Variants in RAP1A observed in about 807,000 individuals in gnomAD.
RAP1A encodes ras-related protein Rap-1A.
In RAP1A, 6 loss-of-function variants were observed where a neutral mutation model predicts 26.4. The ratio of observed to expected loss-of-function variants is 0.23; its 90% CI spans 0.12 to 0.45. The LOEUF (loss-of-function observed/expected upper bound fraction) is 0.45, where lower values mean the gene tolerates loss of function less well. Ranked by LOEUF, RAP1A falls within the 20% of genes least tolerant of loss-of-function variation. The pLI, the probability that RAP1A is intolerant of heterozygous loss-of-function variation, is 0.99. For missense variants in RAP1A, 121 were observed against 217.2 expected (o/e 0.56, Z 2.78); for synonymous variants, 73 against 79.4 (o/e 0.92, Z 0.43).
At chr1:111,695,877 A>G (rs1429091719) in intron 3 of RAP1A, among the ~76,000 whole-genome samples, 1 of 152,250 alleles carries the variant, frequency 6.6e-6, no homozygotes, top group Non-Finnish European at 1.5e-5. Flanking sequence ...CAAAACCCAT[A>G]GAATGTACCA....
chr1:111,688,320 TTTC>T (rs370083741), intron 1 of RAP1A, among the ~76,000 whole-genome samples: 10,825 of 132,900 alleles, frequency 0.081, 556 homozygotes, highest in African/African-American at 0.15. Context: ...TTTTTCTTTC[TTTC>T]TTTTTTTTTT....
chr1:111,628,967 T>C (rs1659483652), intron 1 of RAP1A, among the ~76,000 whole-genome samples: 1 of 152,298 alleles, frequency 6.6e-6, no homozygotes, highest in Non-Finnish European at 1.5e-5. Flanking sequence ...TTTTATTTAG[T>C]TAGCATTTTG....
At chr1:111,706,349 A>T (rs1300510461) in intron 6 of RAP1A, among the ~76,000 whole-genome samples, 2 of 152,112 alleles carry the variant, frequency 1.3e-5, no homozygotes, top group African/African-American at 2.4e-5. Flanking sequence ...GTGAGTTTTG[A>T]ATGCCTGAAG....
intron 4 of RAP1A, among the ~76,000 whole-genome samples, chr1:111,699,046 A>G (rs1163560190): frequency 6.6e-6 from 1 of 151,554 alleles, no homozygotes; most frequent in Non-Finnish European, 1.5e-5. Flanking sequence ...ACTTTGTGCT[A>G]TCCAATATCG....
At chr1:111,688,370 A>C (rs1661560892) in intron 1 of RAP1A, among the ~76,000 whole-genome samples, 1 of 139,984 alleles carries the variant, frequency 7.1e-6, no homozygotes, top group South Asian at 2.2e-4. Context: ...CCCAGGCTGC[A>C]GTGCTGTGGT....
chr1:111,557,832 CA>C (rs1657564488), intron 1 of RAP1A, among the ~76,000 whole-genome samples: 1 of 152,078 alleles, frequency 6.6e-6, no homozygotes, highest in African/African-American at 2.4e-5. Context: ...TGAACAGTGA[CA>C]GCATAAAAAT....
chr1:111,712,759 A>T lies in RAP1A; in HGVS notation c.*358A>T, dbSNP rs1662423784. ...ATGATTTCATATTGATCTTTTTATC[A>T]TGATCCTCCCTATCAAGCACTAAAA... is the stretch of plus-strand genomic sequence containing the variant. On this transcript the variant is annotated 3_prime_UTR_variant, in exon 8 of 8. Coordinates refer to ENST00000369709, the MANE Select transcript of RAP1A (RefSeq NM_002884.4). 1 of 152,502 alleles carries T rather than the reference A, an allele frequency of 6.6e-6. No homozygotes were observed. The highest frequency in any genetic ancestry group is 1.5e-5 in the Non-Finnish European group (1 of 67,926). The allele number at this position is 152,502 out of a possible 1,614,324, so 9.4% of individuals were successfully genotyped here. A position where few individuals can be genotyped will look rare whatever the true frequency, so the allele number is the denominator to read the frequency against.
intron 1 of RAP1A, among the ~76,000 whole-genome samples, chr1:111,624,128 T>C (rs1242297131): frequency 1.3e-5 from 2 of 152,238 alleles, no homozygotes; most frequent in Admixed American, 1.3e-4. Context: ...TAACAATTAA[T>C]TGATTACATC....
intron 1 of RAP1A, among the ~76,000 whole-genome samples, chr1:111,609,192 A>C (rs1163257106): frequency 2.0e-5 from 3 of 152,188 alleles, no homozygotes; most frequent in Non-Finnish European, 4.4e-5. Context: ...TCAACGATGC[A>C]CATGCCCTGG....
At chr1:111,708,354 C>T (rs1662267081) in intron 6 of RAP1A, among the ~76,000 whole-genome samples, 1 of 152,154 alleles carries the variant, frequency 6.6e-6, no homozygotes, top group South Asian at 2.1e-4. Flanking sequence ...CTATTTTAGA[C>T]AAAAATGTAT....
chr1:111,660,549 A>G (rs78207490), intron 1 of RAP1A, among the ~76,000 whole-genome samples: 3 of 152,066 alleles, frequency 2.0e-5, no homozygotes, highest in Non-Finnish European at 4.4e-5. Context: ...TACTACCTGC[A>G]CTGCTACTCC....
chr1:111,675,514 C>T (rs1044698081), intron 1 of RAP1A, among the ~76,000 whole-genome samples: 1 of 152,048 alleles, frequency 6.6e-6, no homozygotes, highest in African/African-American at 2.4e-5. Context: ...CTCCTCTGTT[C>T]GTCCATCCTT....
In RAP1A at chr1:111,677,670, C is replaced by T. The variant is rs147358317; in HGVS notation, c.-27-13664C>T. 4.4e-3 allele frequency among the ~76,000 whole-genome samples: 665 copies of T among 152,270 alleles called. 5 individuals are homozygous for T. The highest frequency in any genetic ancestry group is 0.015 in the African/African-American group (616 of 41,554). On this transcript the variant is annotated intron_variant, in intron 1 of 7. Transcript: ENST00000369709. The stretch of plus-strand genomic sequence containing the variant: ...TGTGCCTCTCTGAAGGGCTGGTGTT[C>T]ACCTGACATGGTGACTGGCTTCTCT...
At chr1:111,683,346 C>T (rs566821755) in intron 1 of RAP1A, among the ~76,000 whole-genome samples, 1 of 149,944 alleles carries the variant, frequency 6.7e-6, no homozygotes, top group Non-Finnish European at 1.5e-5. Context: ...GATAGAGACA[C>T]AAAAAAAACC....
intron 1 of RAP1A, among the ~76,000 whole-genome samples, chr1:111,656,567 AC>A (rs980152727): frequency 6.6e-6 from 1 of 152,076 alleles, no homozygotes; most frequent in African/African-American, 2.4e-5. Flanking sequence ...GGGTTATTAC[AC>A]TGAAATTGGT....
chr1:111,595,815 A>C (rs1298346918), intron 1 of RAP1A, among the ~76,000 whole-genome samples: 1 of 152,062 alleles, frequency 6.6e-6, no homozygotes. Context: ...GTTTTTTTTC[A>C]AGGGCAAGTC....
At chr1:111,668,620 A>AT (rs1259042864) in intron 1 of RAP1A, among the ~76,000 whole-genome samples, 2 of 152,224 alleles carry the variant, frequency 1.3e-5, no homozygotes, top group Admixed American at 6.5e-5. Flanking sequence ...GCCAGGCGGT[A>AT]TGGGTCCTAA....
intron 1 of RAP1A, among the ~76,000 whole-genome samples, chr1:111,566,818 G>T (rs1375315442): frequency 6.6e-6 from 1 of 151,650 alleles, no homozygotes; most frequent in Non-Finnish European, 1.5e-5. Context: ...CAACCCAGGG[G>T]CGTGCCCAGG....
chr1:111,562,140 T>C (rs374324530), intron 1 of RAP1A, among the ~76,000 whole-genome samples: 1 of 152,194 alleles, frequency 6.6e-6, no homozygotes. Context: ...AGATGGTCTT[T>C]TCTTGTGGGC....
Sources: allele counts gnomAD v4.1 joint callset (sites outside exome capture counted in the v4.1 genomes callset), GRCh38; gene constraint gnomAD v4.1.1; transcripts MANE v1.5; gene names NCBI Gene and HGNC (gene_info 2026-07-23, HGNC 2026-07-21).